Variants in COL12A1 observed in about 807,000 individuals in gnomAD.
COL12A1 encodes the protein collagen alpha-1(XII) chain.
A neutral mutation model predicts 349.7 loss-of-function variants in COL12A1; 114 were observed. That is an observed-to-expected ratio of 0.33 (90% CI 0.28 to 0.38). The LOEUF (loss-of-function observed/expected upper bound fraction) is 0.38. Among genes scored for constraint, COL12A1 ranks in the 10% least tolerant of loss-of-function variants. The pLI, the probability that COL12A1 is intolerant of heterozygous loss-of-function variation, is 1.00. For synonymous variants in COL12A1, 1,369 were observed against 1,329.0 expected, an observed-to-expected ratio of 1.03 and a Z score of -0.66; for missense variants, 3,284 against 3,756.9, an observed-to-expected ratio of 0.87 and a Z score of 3.29.
At chr6:75,124,564 G>A (rs909594470) in intron 40 of COL12A1, among the ~76,000 whole-genome samples, 193 bp from the exon 41 acceptor site, 3 of 151,912 alleles carry the variant, frequency 2.0e-5, no homozygotes, top group Admixed American at 6.6e-5. Flanking sequence ...CCTTTCTTTC[G>A]CTGATTTTCA....
chr6:75,113,181 C>T lies in COL12A1; in HGVS notation c.7950+23G>A, dbSNP rs544993691. The T allele has an allele frequency of 2.5e-5, 31 of 1,258,878 alleles. No individual in the cohort carries two copies. The Admixed American group carries it at 2.5e-4, about 10-fold the overall frequency. 78.0% of individuals were successfully genotyped at this position (1,258,878 alleles called of 1,614,324 possible). A position where few individuals can be genotyped will look rare whatever the true frequency, so the allele number is the denominator to read the frequency against. ...TTTATATTTTTTTCTAGAAATAAGA[C>T]TCAAATAATCTTATGTTTTTACCTT... On this transcript the variant is annotated intron_variant, in intron 51 of 65. Transcript: ENST00000322507.
At chr6:75,173,323 T>C (rs1768737347) in intron 13 of COL12A1, among the ~76,000 whole-genome samples, 1 of 152,222 alleles carries the variant, frequency 6.6e-6, no homozygotes, top group Admixed American at 6.5e-5. Context: ...TTTAAATCTT[T>C]TTCTAGAAAC....
intron 8 of COL12A1, among the ~76,000 whole-genome samples, chr6:75,184,900 ATATAGT>A (rs1422368269): frequency 2.0e-5 from 3 of 152,232 alleles, no homozygotes; most frequent in East Asian, 1.9e-4. Context: ...TTCCCGGAAG[ATATAGT>A]TATAATTTTT....
At chr6:75,113,525 C>A in intron 50 of COL12A1, 77 bp downstream of exon 50, 1 of 1,396,086 alleles carries the variant, frequency 7.2e-7, no homozygotes, top group South Asian at 1.6e-5. Flanking sequence ...AGTCTATATT[C>A]AGAAAGTTTT....
chr6:75,192,689 G>T (rs530496788), intron 3 of COL12A1, among the ~76,000 whole-genome samples: 30 of 152,212 alleles, frequency 2.0e-4, no homozygotes, highest in South Asian at 4.1e-4. Flanking sequence ...TTTTATAAAT[G>T]AGAGATAAAG....
At chr6:75,161,868 A>C (rs1768044201) in intron 14 of COL12A1, among the ~76,000 whole-genome samples, 1 of 152,224 alleles carries the variant, frequency 6.6e-6, no homozygotes, top group African/African-American at 2.4e-5. Flanking sequence ...AATAACAGAC[A>C]AACAGCCAAA....
intron 11 of COL12A1, 38 bp from the exon 12 acceptor site, chr6:75,177,973 A>G: frequency 6.5e-7 from 1 of 1,543,338 alleles, no homozygotes; most frequent in Non-Finnish European, 8.7e-7. Context: ...TAAACCATAA[A>G]TTGACTGACT....
chr6:75,140,175 T>C (rs1048764507), intron 27 of COL12A1, among the ~76,000 whole-genome samples: 1 of 152,234 alleles, frequency 6.6e-6, no homozygotes, highest in Non-Finnish European at 1.5e-5. Flanking sequence ...TTCTGTTCAC[T>C]ACACCTGTTA....
chr6:75,137,994 G>T (rs1223150601), intron 30 of COL12A1, among the ~76,000 whole-genome samples: 3 of 151,956 alleles, frequency 2.0e-5, no homozygotes, highest in Admixed American at 2.0e-4. Flanking sequence ...GCTATAAGCT[G>T]GGAGGAAAGC....
chr6:75,123,801 A>T, intron 42 of COL12A1, 147 bp downstream of exon 42: 1 of 879,594 alleles, frequency 1.1e-6, no homozygotes, highest in Non-Finnish European at 1.7e-6. Context: ...CCAGCTTTAG[A>T]CTCCACATTC....
intron 2 of COL12A1, among the ~76,000 whole-genome samples, chr6:75,202,432 T>G (rs1770579974): frequency 6.6e-6 from 1 of 152,090 alleles, no homozygotes; most frequent in African/African-American, 2.4e-5. Flanking sequence ...GTCCTCTTAT[T>G]AGGCGGCAGT....
chr6:75,199,135 C>T (rs994238920), intron 2 of COL12A1, among the ~76,000 whole-genome samples: 1 of 152,144 alleles, frequency 6.6e-6, no homozygotes, highest in African/African-American at 2.4e-5. Flanking sequence ...ATTAAACTTT[C>T]CGGATCAACC....
Position 75,128,358 on chromosome 6 carries a change from A to G in COL12A1, c.6278T>C (p.Ile2093Thr), listed in dbSNP as rs1314818963. ...ATCTTCATAAACAGCAATAACAGTA[A>G]TTTTATATGGAGTGTCAGGTTGCAG... ...QPLQPDTPYK[I>T]TVIAVYEDGD... Residue 2093 changes from isoleucine (I) to threonine (T), a missense_variant, in exon 38 of 66, where the codon ATT (isoleucine) becomes ACT (threonine). Physicochemically the swap from Ile to Thr is moderately conservative, Grantham distance 89. Transcript: ENST00000322507. 4 of 1,610,242 alleles carry G rather than the reference A, an allele frequency of 2.5e-6. No individual in the cohort carries two copies. The highest frequency in any genetic ancestry group is 2.5e-6 in the Non-Finnish European group (3 of 1,178,254).
chr6:75,158,304 C>T (rs920104316), intron 14 of COL12A1, among the ~76,000 whole-genome samples: 3 of 152,006 alleles, frequency 2.0e-5, no homozygotes, highest in African/African-American at 7.2e-5. Flanking sequence ...AAAGGAGACA[C>T]CAAAGAGCTC....
In COL12A1 at chr6:75,134,734, C is replaced by G; in HGVS notation, c.5516G>C (p.Gly1839Ala). The change falls in exon 32 of 66, where the codon GGC (glycine) becomes GCC (alanine). Residue 1839 changes from glycine to alanine, a missense_variant. This residue lies in a region of COL12A1 where 2,601 missense variants were observed against 2,824.8 expected (regional missense o/e 0.92). Transcript: ENST00000322507. The part of the protein sequence containing the change: ...DGEGGRMTGR[G>A]KTKPLNTVRN... ...ACTCAGGTTTCACTTACTGGTCTTG[C>G]CTCTTCCCGTCATCCGACCTCCTTC... 1 of 1,604,832 alleles carries G rather than the reference C, an allele frequency of 6.2e-7. No individual in the cohort carries two copies. Among genetic ancestry groups the G allele is most frequent in the African/African-American group, 1.3e-5 (1 of 74,946 alleles).
At chr6:75,151,107 G>A (rs1373548622) in intron 21 of COL12A1, 34 bp downstream of exon 21, 2 of 1,111,620 alleles carry the variant, frequency 1.8e-6, no homozygotes, top group South Asian at 1.7e-5. Flanking sequence ...AATACCAGCA[G>A]TGCTGAGGGA....
intron 35 of COL12A1, among the ~76,000 whole-genome samples, chr6:75,131,428 C>A (rs1766297619): frequency 6.6e-6 from 1 of 152,100 alleles, no homozygotes; most frequent in South Asian, 2.1e-4. Context: ...AGTGTTCTTG[C>A]CAAATGCATA....
intron 51 of COL12A1, among the ~76,000 whole-genome samples, chr6:75,111,878 T>G (rs772780893): frequency 2.6e-5 from 4 of 151,286 alleles, no homozygotes; most frequent in Non-Finnish European, 5.9e-5. Context: ...ATGAGGAGAG[T>G]CCTTTACCAT....
Position 75,124,273 on chromosome 6 carries a change from T to G in COL12A1, c.6706A>C (p.Lys2236Gln). Residue 2236 changes from lysine to glutamine, a missense_variant, in exon 41 of 66, where the codon AAA becomes CAA. This residue lies in a region of COL12A1 where 2,601 missense variants were observed against 2,824.8 expected (regional missense o/e 0.92). Coordinates refer to ENST00000322507, the MANE Select transcript of COL12A1 (RefSeq NM_004370.6). ...PHRAATSYRL[K>Q]LSPADGTRGQ... The stretch of plus-strand genomic sequence containing the variant: ...CACATACCATCTGCAGGGCTTAGTT[T>G]TAGCCTGTAGGAGGTGGCTGCCCGG... The G allele has an allele frequency of 6.2e-7, 1 of 1,613,758 alleles. No homozygotes were observed.
Sources: gnomAD v4.1 joint callset for allele counts (sites outside exome capture counted in the v4.1 genomes callset) on GRCh38, gnomAD v4.1.1 for gene constraint, gnomAD v4.1.1 regional missense constraint, MANE v1.5 for transcripts, NCBI Gene and HGNC (gene_info 2026-07-23, HGNC 2026-07-21) for gene names.